STAG3: variants seen among roughly 807,000 people sequenced by gnomAD.
STAG3 encodes the protein cohesin subunit SA-3.
In STAG3, 101 loss-of-function variants were observed where a neutral mutation model predicts 160.7. The ratio of observed to expected loss-of-function variants is 0.63; its 90% confidence interval spans 0.54 to 0.74. The LOEUF is 0.74. Ranked by LOEUF, STAG3 falls within the 30% of genes least tolerant of loss-of-function variation. STAG3 has a pLI of 0.00. For synonymous variants in STAG3, 519 were observed against 585.0 expected (o/e 0.89, Z 1.63); for missense variants, 1,188 against 1,517.4 (o/e 0.78, Z 3.61).
intron 9 of STAG3, among the ~76,000 whole-genome samples, chr7:100,196,566 CAG>C (rs1800705848): frequency 6.6e-6 from 1 of 152,162 alleles, no homozygotes; most frequent in Non-Finnish European, 1.5e-5. Flanking sequence ...CCAAGACAGG[CAG>C]ATCACTTGAG....
At position 100,211,218 on chromosome 7, in the gene STAG3, T is replaced by A. The variant is rs753153106; in HGVS notation, c.3413+33T>A. On this transcript the variant is annotated intron_variant, in intron 30 of 33. Transcript: ENST00000615138. ...CATGGAGGGAATCTGGGTGTCTGAGTTCCCAGTTTGGTGTCTGGCTGCCTC... is the reference window on the plus strand; with the variant it reads ...CATGGAGGGAATCTGGGTGTCTGAGATCCCAGTTTGGTGTCTGGCTGCCTC... The A allele has an allele frequency of 9.8e-5, 150 of 1,536,034 alleles. 1 individual carries two copies. Among genetic ancestry groups the A allele is most frequent in the Non-Finnish European group, 1.2e-4 (142 of 1,144,010 alleles).
chr7:100,193,787 T>G (rs1057131194), intron 8 of STAG3, among the ~76,000 whole-genome samples: 2 of 152,236 alleles, frequency 1.3e-5, no homozygotes, highest in African/African-American at 4.8e-5. Context: ...GCAATAAGAC[T>G]GTTTAACTTT....
chr7:100,200,100 A>G (rs1286925298), intron 16 of STAG3, 136 bp from the exon 17 acceptor site: 2 of 608,164 alleles, frequency 3.3e-6, no homozygotes, highest in Non-Finnish European at 5.6e-6. Flanking sequence ...CATTTCCAGA[A>G]AAAAGAAATC....
chr7:100,216,121 C>G (rs1222419444), downstream of STAG3, among the ~76,000 whole-genome samples: 1 of 152,094 alleles, frequency 6.6e-6, no homozygotes, highest in East Asian at 1.9e-4. Context: ...GTCCAGGGAT[C>G]AGGGAGCAGA....
chr7:100,207,221 C>CT lies in STAG3; in HGVS notation c.3238+1839dup, dbSNP rs1377079045. On this transcript the variant is annotated intron_variant, in intron 29 of 33. Coordinates refer to ENST00000615138, the MANE Select transcript of STAG3 (RefSeq NM_001282717.2). This position sits in a 1 kb window ranked among gnomAD's most constrained non-coding sequence, Gnocchi z 4.0. ...TGGGTGGATGCATCTTTTCAGTTATCTTGAGATATACCTGGGAGTGGAATT... is the reference window on the plus strand; with the variant it reads ...TGGGTGGATGCATCTTTTCAGTTATCTTTGAGATATACCTGGGAGTGGAATT... Among the ~76,000 whole-genome samples, 1 of 152,152 alleles carries CT rather than the reference C, an allele frequency of 6.6e-6. No homozygotes were observed. Among genetic ancestry groups the CT allele is most frequent in the Non-Finnish European group, 1.5e-5 (1 of 68,034 alleles).
intron 25 of STAG3, 25 bp downstream of exon 25, chr7:100,202,615 A>G (rs201490570): frequency 6.7e-5 from 107 of 1,603,322 alleles, no homozygotes; most frequent in Non-Finnish European, 8.7e-5. Context: ...TACAGAAATA[A>G]AAGAGAAGGG....
chr7:100,189,158 A>G lies in STAG3; in HGVS notation c.715+142A>G. 8 of 975,024 alleles carry G rather than the reference A, an allele frequency of 8.2e-6. No homozygotes were observed. In the South Asian group the frequency reaches 1.2e-4, roughly 14 times the overall value. The allele number at this position is 975,024 out of a possible 1,614,324, so 60.4% of individuals were successfully genotyped here. ...CCTCTTTTATCCTAAACTTCAATCCAGTTTCTCACTAGTGGAGTTTTGAGA... is the reference window on the plus strand; with the variant it reads ...CCTCTTTTATCCTAAACTTCAATCCGGTTTCTCACTAGTGGAGTTTTGAGA... On this transcript the variant is annotated intron_variant, in intron 7 of 33. Transcript: ENST00000615138.
chr7:100,188,697 G>A, intron 6 of STAG3, 115 bp from the exon 7 acceptor site: 1 of 1,207,848 alleles, frequency 8.3e-7, no homozygotes, highest in Non-Finnish European at 1.2e-6. Flanking sequence ...GAGAATACCA[G>A]GAAATGAGGT....
chr7:100,190,189 T>A (rs1378846527), intron 8 of STAG3, among the ~76,000 whole-genome samples: 1 of 152,196 alleles, frequency 6.6e-6, no homozygotes, highest in Non-Finnish European at 1.5e-5. Flanking sequence ...TTTGTTTCCT[T>A]TTAAACTTAA....
At chr7:100,188,371 TG>T in intron 5 of STAG3, 81 bp from the exon 6 acceptor site, 1 of 953,784 alleles carries the variant, frequency 1.0e-6, no homozygotes, top group East Asian at 2.4e-5. Context: ...AATGTTTCCT[TG>T]CTCATCTTCA....
chr7:100,191,765 C>T (rs13311152), intron 8 of STAG3, among the ~76,000 whole-genome samples: 1 of 152,180 alleles, frequency 6.6e-6, no homozygotes, highest in Admixed American at 6.5e-5. Flanking sequence ...GCTGCATCTA[C>T]TGACTCTTCC....
rs765988932 is a variant in STAG3 at position 100,199,317 on chromosome 7, G to A, written c.1523G>A (p.Arg508Gln). Residue 508 changes from arginine (R) to glutamine (Q), a missense_variant, in exon 15 of 34, where the codon CGG becomes CAG. Physicochemically the swap from Arg to Gln is conservative, Grantham distance 43. Around this residue, in one of 4 missense-constraint regions of STAG3, gnomAD observed 240 missense variants for 358.1 expected, o/e 0.67. Transcript: ENST00000615138. ...AGTCTGTGGGACTGTGCAGGGGCTC[G>A]GCTGAAGGACTGGGAGGGTCTGACA... ...VDSLWDCAGA[R>Q]LKDWEGLTSL... 34 of 1,614,018 alleles carry A rather than the reference G, an allele frequency of 2.1e-5. No individual in the cohort carries two copies. Among genetic ancestry groups the A allele is most frequent in the African/African-American group, 2.7e-5 (2 of 74,892 alleles).
At chr7:100,215,546 GAGA>G (rs748159439), downstream of STAG3, among the ~76,000 whole-genome samples, 26 of 152,316 alleles carry the variant, frequency 1.7e-4, no homozygotes, top group Admixed American at 3.9e-4. Flanking sequence ...GAGAACTGAG[GAGA>G]AGATGTGGAG....
At chr7:100,212,131 ATTG>A in intron 32 of STAG3, 1 of 378,160 alleles carries the variant, frequency 2.6e-6, no homozygotes, top group South Asian at 3.6e-5. Context: ...CTAAATAAAT[ATTG>A]TTGCCTCCGA....
chr7:100,202,585 A>G lies in STAG3; in HGVS notation c.2695A>G (p.Asn899Asp). 2 of 1,613,210 alleles carry G rather than the reference A, an allele frequency of 1.2e-6. No individual in the cohort carries two copies. The highest frequency in any genetic ancestry group is 1.7e-6 in the Non-Finnish European group (2 of 1,179,762). The change falls in exon 25 of 34, where the codon AAC becomes GAC. Residue 899 changes from asparagine (N) to aspartate (D), a missense_variant. Coordinates refer to ENST00000615138, the MANE Select transcript of STAG3 (RefSeq NM_001282717.2). ...AGCCTCAGATGTTTTCAAACACTACAACAAGGTACACCAAGGCCCTACAGA... is the reference window on the plus strand; with the variant it reads ...AGCCTCAGATGTTTTCAAACACTACGACAAGGTACACCAAGGCCCTACAGA... Reference protein sequence around the residue: ...DAASDVFKHYNKFYNDYGDII... With the variant: ...DAASDVFKHYDKFYNDYGDII...
chr7:100,194,046 C>T (rs1342732630), intron 8 of STAG3, among the ~76,000 whole-genome samples: 4 of 148,056 alleles, frequency 2.7e-5, no homozygotes, highest in African/African-American at 9.9e-5. Context: ...CTCCTGGGTT[C>T]AAGTGATTCT....
At chr7:100,211,721 C>T in intron 31 of STAG3, 74 bp from the exon 32 acceptor site, 1 of 1,538,724 alleles carries the variant, frequency 6.5e-7, no homozygotes, top group South Asian at 1.1e-5. Flanking sequence ...CTTCCCCCAC[C>T]CCGGGTGTCT....
intron 4 of STAG3, among the ~76,000 whole-genome samples, chr7:100,184,507 C>T (rs1446841419): frequency 1.6e-4 from 16 of 101,302 alleles, no homozygotes; most frequent in African/African-American, 4.0e-4. Context: ...CTTGTTCTGT[C>T]GCCAGGCTGG....
In STAG3 at chr7:100,198,876, G is replaced by A; in HGVS notation, c.1386G>A (p.Met462Ile). The change falls in exon 14 of 34, where the codon ATG (methionine) becomes ATA (isoleucine). Residue 462 changes from methionine to isoleucine, a missense_variant. Around this residue, in one of 4 missense-constraint regions of STAG3, gnomAD observed 240 missense variants for 358.1 expected, o/e 0.67. Coordinates refer to ENST00000615138, the MANE Select transcript of STAG3 (RefSeq NM_001282717.2). ...LFYPECEIRM[M>I]GGREQRQSPG... ...ACCCTGAGTGCGAGATAAGAATGAT[G>A]GGTGGAAGAGAGCAACGCCAGAGCC... The A allele has an allele frequency of 1.9e-6, 3 of 1,612,240 alleles. No homozygotes were observed. Among genetic ancestry groups the A allele is most frequent in the Non-Finnish European group, 2.5e-6 (3 of 1,180,036 alleles).
Sources: gnomAD v4.1 joint callset for allele counts (sites outside exome capture counted in the v4.1 genomes callset) on GRCh38, gnomAD v4.1.1 for gene constraint, gnomAD v4.1.1 regional missense constraint, Gnocchi (gnomAD v3.1) non-coding constraint, MANE v1.5 for transcripts, NCBI Gene and HGNC (gene_info 2026-07-23, HGNC 2026-07-21) for gene names.